The following ALG1L2 variants were observed in gnomAD, a reference collection of about 807,000 sequenced individuals.
The protein encoded by ALG1L2 is putative glycosyltransferase ALG1L2.
Under a neutral mutation model 29.0 loss-of-function variants are expected in ALG1L2, and 32 were observed. The ratio of observed to expected loss-of-function variants is 1.10; its 90% CI spans 0.83 to 1.48. ALG1L2 has a LOEUF of 1.48. Among genes scored for constraint, ALG1L2 ranks in the 40% most tolerant of loss-of-function variants. ALG1L2 has a pLI of 0.00. For synonymous variants in ALG1L2, 110 were observed against 109.5 expected (o/e 1.00, Z -0.03); for missense variants, 318 against 274.1 (o/e 1.16, Z -1.13).
At chr3:130,095,409 T>TTTTTTA (rs1199011122) in intron 5 of ALG1L2, among the ~76,000 whole-genome samples, 3 of 121,128 alleles carry the variant, frequency 2.5e-5, no homozygotes, top group Non-Finnish European at 3.8e-5. Context: ...TGTGCTGTGG[T>TTTTTTA]TTATTATTAT....
intron 5 of ALG1L2, 103 bp downstream of exon 5, chr3:130,094,616 C>G: frequency 7.8e-7 from 1 of 1,281,186 alleles, no homozygotes; most frequent in South Asian, 1.4e-5. Context: ...CTGGAGGCCA[C>G]TTGGGGACAG....
chr3:130,091,408 C>T (rs774789033), intron 2 of ALG1L2, 37 bp downstream of exon 2: 41 of 1,574,502 alleles, frequency 2.6e-5, no homozygotes, highest in South Asian at 1.3e-4. Flanking sequence ...CTCTCCTGCT[C>T]GCCACTGCCC....
At chr3:130,091,843 C>G (rs1935020280) in intron 2 of ALG1L2, 2 of 707,100 alleles carry the variant, frequency 2.8e-6, no homozygotes, top group Non-Finnish European at 5.0e-6. Context: ...CATCTTGGGT[C>G]CAGGGGATGA....
intron 3 of ALG1L2, among the ~76,000 whole-genome samples, chr3:130,092,575 G>A (rs1935041036): frequency 1.3e-5 from 2 of 152,142 alleles, no homozygotes; most frequent in African/African-American, 4.8e-5. Context: ...TAGGGGTGGT[G>A]GAGGTGGGCC....
Position 130,094,379 on chromosome 3 carries a change from C to A in ALG1L2, c.314-24C>A, listed in dbSNP as rs529229605. ...GGCAGGGACAGAGACGGGTTCATGG[C>A]AGTGTCTGCTCTTCTCTGTGAAGGC... On this transcript the variant is annotated intron_variant, in intron 4 of 7. Transcript: ENST00000425059. The A allele has an allele frequency of 1.1e-5, 17 of 1,587,972 alleles. No individual in the cohort carries two copies. The East Asian group carries it at 3.1e-4, about 29-fold the overall frequency.
intron 1 of ALG1L2, among the ~76,000 whole-genome samples, chr3:130,086,131 C>A (rs9838812): frequency 4.0e-5 from 6 of 151,362 alleles, no homozygotes; most frequent in Non-Finnish European, 5.9e-5. Flanking sequence ...GGAGGCAAAC[C>A]AACTTTTGAT....
intron 1 of ALG1L2, 74 bp downstream of exon 1, chr3:130,082,110 A>T: frequency 6.8e-7 from 1 of 1,466,834 alleles, no homozygotes. Flanking sequence ...GATAGACTGG[A>T]GAGACCCTTG....
At position 130,094,383 on chromosome 3, in the gene ALG1L2, G is replaced by A. The variant is rs751070190; in HGVS notation, c.314-20G>A. 1 of 1,589,830 alleles carries A rather than the reference G, an allele frequency of 6.3e-7. No individual in the cohort carries two copies. The highest frequency in any genetic ancestry group is 8.5e-7 in the Non-Finnish European group (1 of 1,173,722). ...GGGACAGAGACGGGTTCATGGCAGTGTCTGCTCTTCTCTGTGAAGGCAAAG... is the reference window on the plus strand; with the variant it reads ...GGGACAGAGACGGGTTCATGGCAGTATCTGCTCTTCTCTGTGAAGGCAAAG... On this transcript the variant is annotated intron_variant, in intron 4 of 7. Transcript: ENST00000425059.
In ALG1L2 at chr3:130,093,404, A is replaced by G. The variant is rs138572576; in HGVS notation, c.313+244A>G. Among the ~76,000 whole-genome samples the G allele has an allele frequency of 1.6e-3, 235 of 149,154 alleles. 1 individual carries two copies. The highest frequency in any genetic ancestry group is 5.1e-3 in the African/African-American group (207 of 40,754). ...TCTACTTTTTCAGTAGTTTCCAAGC[A>G]TCTTTTTTTTGTTGTTATGTCATTG... On this transcript the variant is annotated intron_variant, in intron 4 of 7. Coordinates refer to ENST00000425059, the MANE Select transcript of ALG1L2 (RefSeq NM_001136152.1).
At chr3:130,084,354 G>C (rs1252860815) in intron 1 of ALG1L2, among the ~76,000 whole-genome samples, 1 of 149,058 alleles carries the variant, frequency 6.7e-6, no homozygotes, top group Non-Finnish European at 1.5e-5. Context: ...AGCAAAGAAG[G>C]CCTCATAAAG....
In ALG1L2 at chr3:130,096,165, T is replaced by A; in HGVS notation, c.539+2T>A. ...TGCGTGTGCCGTGAACTTCAAGTGG[T>A]AGGAGCAGAACCCGAATTTTTTCTG... On this transcript the variant is annotated splice_donor_variant, in intron 6 of 7. Transcript: ENST00000425059. LOFTEE classifies it high-confidence loss of function. 1 of 1,611,734 alleles carries A rather than the reference T, an allele frequency of 6.2e-7. No homozygotes were observed. Among genetic ancestry groups the A allele is most frequent in the Admixed American group, 1.7e-5 (1 of 59,952 alleles).
At chr3:130,094,907 C>T (rs1311227381) in intron 5 of ALG1L2, among the ~76,000 whole-genome samples, 2 of 152,198 alleles carry the variant, frequency 1.3e-5, no homozygotes, top group South Asian at 2.1e-4. Flanking sequence ...CCTTTGCCTC[C>T]GTCTCTTTCC....
At chr3:130,093,268 T>C in intron 4 of ALG1L2, 108 bp downstream of exon 4, 2 of 1,310,710 alleles carry the variant, frequency 1.5e-6, no homozygotes, top group Non-Finnish European at 1.1e-6. Context: ...TAATCCTCAC[T>C]GCAGCTCTCT....
chr3:130,089,524 T>C (rs1316038755), intron 1 of ALG1L2: 1 of 152,244 alleles, frequency 6.6e-6, no homozygotes, highest in Non-Finnish European at 1.5e-5. Context: ...AAATATCCAT[T>C]AAGAATTTTT....
chr3:130,094,203 G>A, intron 4 of ALG1L2, 200 bp from the exon 5 acceptor site: 1 of 631,446 alleles, frequency 1.6e-6, no homozygotes, highest in Non-Finnish European at 2.8e-6. Flanking sequence ...CTATGCATCA[G>A]GGGTCAGGGT....
chr3:130,097,131 G>GTCTTCTCCAGGAAACTCTCGGGC (rs761220082), intron 6 of ALG1L2, 44 bp from the exon 7 acceptor site: 61 of 1,608,682 alleles, frequency 3.8e-5, no homozygotes, highest in Non-Finnish European at 5.1e-5. Context: ...GGGGTCTAGT[G>GTCTTCTCCAGGAAACTCTCGGGC]TCTTCTCCAG....
chr3:130,098,072 C>A, intron 7 of ALG1L2, 151 bp from the exon 8 acceptor site: 1 of 1,077,332 alleles, frequency 9.3e-7, no homozygotes, highest in Non-Finnish European at 1.3e-6. Flanking sequence ...AAGATGGAGG[C>A]GGAGCGCTGC....
At chr3:130,090,319 C>A (rs192573887) in intron 1 of ALG1L2, among the ~76,000 whole-genome samples, 1 of 152,302 alleles carries the variant, frequency 6.6e-6, no homozygotes, top group Admixed American at 6.5e-5. Flanking sequence ...TGCACCAAGG[C>A]GCTCCAGCCT....
In ALG1L2 at chr3:130,081,882, G is replaced by C; in HGVS notation, c.-135G>C. On this transcript the variant is annotated 5_prime_UTR_variant, in exon 1 of 8. Coordinates refer to ENST00000425059, the MANE Select transcript of ALG1L2 (RefSeq NM_001136152.1). Reference sequence around the variant, plus strand: ...AGGTGGAAATCACCCTCAAGTAGCAGAGACAGGTGTGCAAAGGCTCAGAGG... The same window carrying C: ...AGGTGGAAATCACCCTCAAGTAGCACAGACAGGTGTGCAAAGGCTCAGAGG... 8.5e-7 allele frequency: 1 copy of C among 1,183,188 alleles called. No individual in the cohort carries two copies. The highest frequency in any genetic ancestry group is 1.2e-6 in the Non-Finnish European group (1 of 819,736). 73.3% of individuals were successfully genotyped at this position (1,183,188 alleles called of 1,614,324 possible). A position where few individuals can be genotyped will look rare whatever the true frequency, so the allele number is the denominator to read the frequency against.
Sources: gnomAD v4.1 joint callset for allele counts (sites outside exome capture counted in the v4.1 genomes callset) on GRCh38, gnomAD v4.1.1 for gene constraint, MANE v1.5 for transcripts, NCBI Gene and HGNC (gene_info 2026-07-23, HGNC 2026-07-21) for gene names.